AOC3: variants seen among roughly 807,000 people sequenced by gnomAD.
The protein encoded by AOC3 is amine oxidase [copper-containing] 3.
In AOC3, 47 loss-of-function variants were observed where a neutral mutation model predicts 55.4. That is an observed-to-expected ratio of 0.85 (90% CI 0.67 to 1.08). AOC3 has a LOEUF of 1.08. Among genes scored for constraint, AOC3 ranks in the 50% least tolerant of loss-of-function variants. AOC3 has a pLI of 0.00. For missense variants in AOC3, 853 were observed against 993.1 expected (o/e 0.86, Z 1.90); for synonymous variants, 386 against 410.7 (o/e 0.94, Z 0.73).
intron 1 of AOC3, chr17:42,853,328 A>C: frequency 9.8e-7 from 1 of 1,023,816 alleles, no homozygotes; most frequent in Non-Finnish European, 1.2e-6. Flanking sequence ...GTTTTGGAGG[A>C]TCTCTTTGCA....
chr17:42,852,502 G>T lies in AOC3; in HGVS notation c.1159G>T (p.Gly387Ter). ...AGCAATGACGACCCGCTATGTGGAT[G>T]GAGGCTTTGGCATGGGCAAGTACAC... is the stretch of plus-strand genomic sequence containing the variant. ...PAAMTTRYVD[G>*]GFGMGKYTTP... is the part of the protein sequence containing the mutation. The change falls in exon 1 of 4, where the codon GGA (glycine) becomes TGA (stop). Residue 387 changes from glycine to a stop codon, truncating the protein, a stop_gained. Coordinates refer to ENST00000308423, the MANE Select transcript of AOC3 (RefSeq NM_003734.4). LOFTEE classifies it high-confidence loss of function. 6.2e-7 allele frequency: 1 copy of T among 1,614,248 alleles called. No homozygotes were observed. The highest frequency in any genetic ancestry group is 8.5e-7 in the Non-Finnish European group (1 of 1,180,040).
rs1299136357 is a variant in AOC3, at chr17:42,852,940, G to A, written c.1597G>A (p.Ala533Thr). 1 of 1,601,288 alleles carries A rather than the reference G, an allele frequency of 6.2e-7. No homozygotes were observed. The highest frequency in any genetic ancestry group is 1.7e-5 in the Admixed American group (1 of 59,824). ...CCACTTCAAGGTGGATCTGGATGTA[G>A]CAGGTAAGACATTTTGGTGGGGAGA... ...SAHFKVDLDV[A>T]GLENWVWAED... The change falls in exon 1 of 4, where the codon GCA (alanine) becomes ACA (threonine). Residue 533 changes from alanine (A) to threonine (T), a missense_variant. Ala to Thr is a moderately conservative substitution (Grantham distance 58). Coordinates refer to ENST00000308423, the MANE Select transcript of AOC3 (RefSeq NM_003734.4).
chr17:42,853,440 AT>A, intron 1 of AOC3: 2 of 985,912 alleles, frequency 2.0e-6, no homozygotes, highest in Non-Finnish European at 2.4e-6. Context: ...TCTGGGCACA[AT>A]TCACCTAAGT....
At chr17:42,853,160 A>G (rs2055700035) in intron 1 of AOC3, 4 of 1,383,766 alleles carry the variant, frequency 2.9e-6, no homozygotes, top group Non-Finnish European at 3.8e-6. Flanking sequence ...GACCTCATCC[A>G]AAGATCTTGG....
chr17:42,856,189 A>T, intron 3 of AOC3, 86 bp from the exon 4 acceptor site: 1 of 1,516,448 alleles, frequency 6.6e-7, no homozygotes, highest in Middle Eastern at 1.9e-4. Flanking sequence ...AAGACTCATG[A>T]TCCTTGGGCT....
In AOC3 at chr17:42,857,116, C is replaced by T. The variant is rs995111325; in HGVS notation, c.*566C>T. ...GAGGGGATATCCCTATGTCCCAGCC[C>T]CTGGTACTCCCCCAGCCCTCAGTTT... On this transcript the variant is annotated 3_prime_UTR_variant, in exon 4 of 4. Transcript: ENST00000308423. 9 of 154,302 alleles carry T rather than the reference C, an allele frequency of 5.8e-5. No individual in the cohort carries two copies. Among genetic ancestry groups the T allele is most frequent in the African/African-American group, 1.9e-4 (8 of 41,432 alleles). 9.6% of individuals were successfully genotyped at this position (154,302 alleles called of 1,614,324 possible).
intron 1 of AOC3, chr17:42,853,418 T>C: frequency 2.0e-6 from 2 of 995,094 alleles, no homozygotes; most frequent in Non-Finnish European, 2.4e-6. Context: ...CCTCCCTGAT[T>C]TTCCTTCTTT....
chr17:42,855,293 C>T (rs34268610), intron 2 of AOC3, 151 bp from the exon 3 acceptor site: 1 of 1,058,316 alleles, frequency 9.4e-7, no homozygotes, highest in South Asian at 1.6e-5. Flanking sequence ...ACTTGACCCC[C>T]CTTAGGGTGA....
At position 42,852,313 on chromosome 17, in the gene AOC3, A is replaced by G. The variant is rs760524381; in HGVS notation, c.970A>G (p.Ser324Gly). ...LQFYPQGPRF[S>G]VQGSRVASSL... is the part of the protein sequence containing the mutation. ...GTTCTATCCCCAAGGCCCCCGCTTC[A>G]GTGTCCAGGGAAGTCGAGTGGCCTC... is the stretch of plus-strand genomic sequence containing the variant. The change falls in exon 1 of 4, where the codon AGT becomes GGT. Residue 324 changes from serine to glycine, a missense_variant. Transcript: ENST00000308423. The G allele has an allele frequency of 9.3e-6, 15 of 1,613,910 alleles. No homozygotes were observed. The African/African-American group carries it at 9.3e-5, about 10-fold the overall frequency.
At chr17:42,853,219 C>G in intron 1 of AOC3, 2 of 1,294,434 alleles carry the variant, frequency 1.5e-6, no homozygotes, top group South Asian at 1.9e-5. Flanking sequence ...AACAGTGTCC[C>G]CATTGCCCTC....
chr17:42,856,656 C>T lies in AOC3; in HGVS notation c.*106C>T. On this transcript the variant is annotated 3_prime_UTR_variant, in exon 4 of 4. Transcript: ENST00000308423. ...CAGCCTGGTTCCCTCTTTCCTGTGCCAGGACTCTCTTTCTTCCACTACCCT... is the reference window on the plus strand; with the variant it reads ...CAGCCTGGTTCCCTCTTTCCTGTGCTAGGACTCTCTTTCTTCCACTACCCT... 3 of 1,341,030 alleles carry T rather than the reference C, an allele frequency of 2.2e-6. No individual in the cohort carries two copies. In the South Asian group the frequency reaches 4.1e-5, roughly 19 times the overall value. The allele number at this position is 1,341,030 out of a possible 1,614,324, so 83.1% of individuals were successfully genotyped here. A position where few individuals can be genotyped will look rare whatever the true frequency, so the allele number is the denominator to read the frequency against.
rs774618655 is a variant in AOC3, at chr17:42,855,411, A to G, written c.1887-33A>G. 4 of 1,583,948 alleles carry G rather than the reference A, an allele frequency of 2.5e-6. No individual in the cohort carries two copies. The South Asian group carries it at 4.6e-5, about 18-fold the overall frequency. On this transcript the variant is annotated intron_variant, in intron 2 of 3. Transcript: ENST00000308423. ...ATAATCAGGCAGCAGGATGGGGTCA[A>G]TGGCCATGGAGGCCTGACCAGTGCC...
In AOC3 at chr17:42,851,388, C is replaced by A. The variant is rs1282535974; in HGVS notation, c.45C>A (p.Ile15=). Residue 15 remains isoleucine, a synonymous_variant, in exon 1 of 4, where the codon ATC becomes ATA. Coordinates refer to ENST00000308423, the MANE Select transcript of AOC3 (RefSeq NM_003734.4). ...TILVLLILAV[I]TIFALVCVLL... is the part of the protein sequence containing the mutation. ...TCGTGCTCCTCATTCTGGCCGTCAT[C>A]ACCATCTTTGCCTTGGTTTGTGTCC... 6 of 1,611,834 alleles carry A rather than the reference C, an allele frequency of 3.7e-6. No homozygotes were observed. Among genetic ancestry groups the A allele is most frequent in the Non-Finnish European group, 5.1e-6 (6 of 1,178,876 alleles).
chr17:42,851,896 A>G lies in AOC3; in HGVS notation c.553A>G (p.Asn185Asp), dbSNP rs370465. Residue 185 changes from asparagine (N) to aspartate (D), a missense_variant, in exon 1 of 4, where the codon AAC becomes GAC. Physicochemically the swap from Asn to Asp is conservative, Grantham distance 23 (BLOSUM62 1). Transcript: ENST00000308423. ...CCTGGACATAGACCAGATGATCTTC[A>G]ACAGAGAGCTGCCCCAGGCTTCTGG... ...EYLDIDQMIF[N>D]RELPQASGLL... 370 of 1,613,256 alleles carry G rather than the reference A, an allele frequency of 2.3e-4. No homozygotes were observed. Among genetic ancestry groups the G allele is most frequent in the Non-Finnish European group, 2.7e-4 (316 of 1,179,790 alleles).
intron 3 of AOC3, 148 bp from the exon 4 acceptor site, chr17:42,856,127 A>C (rs913484393): frequency 1.4e-5 from 14 of 975,154 alleles, no homozygotes; most frequent in Non-Finnish European, 2.2e-5. Context: ...TGTTCCTAAT[A>C]TGAAATGGAC....
chr17:42,856,159 C>G, intron 3 of AOC3, 116 bp from the exon 4 acceptor site: 2 of 1,332,110 alleles, frequency 1.5e-6, no homozygotes, highest in Non-Finnish European at 2.1e-6. Context: ...TGACTCCTAC[C>G]CAGCAGGAAA....
Position 42,856,501 on chromosome 17 carries a change from G to A in AOC3, c.2243G>A (p.Cys748Tyr), listed in dbSNP as rs761050675. The change falls in exon 4 of 4, where the codon TGT (cysteine) becomes TAT (tyrosine). Residue 748 changes from cysteine (C) to tyrosine (Y), a missense_variant. Transcript: ENST00000308423. The stretch of plus-strand genomic sequence containing the variant: ...GCTTGCCTGCCCCAGGCTGCTGCCT[G>A]TGCCCCCGACCTCCCTGCCTTCTCC... Reference protein sequence around the residue: ...PLACLPQAAACAPDLPAFSHG... With the variant: ...PLACLPQAAAYAPDLPAFSHG... 5 of 1,610,318 alleles carry A rather than the reference G, an allele frequency of 3.1e-6. No homozygotes were observed. The highest frequency in any genetic ancestry group is 4.2e-6 in the Non-Finnish European group (5 of 1,177,714).
chr17:42,853,464 A>G, intron 1 of AOC3: 1 of 918,332 alleles, frequency 1.1e-6, no homozygotes, highest in Non-Finnish European at 1.3e-6. Flanking sequence ...GAGGGGTCAC[A>G]TGGATCCCGT....
rs1400984954 is a variant in AOC3 at position 42,852,933 on chromosome 17, G to A, written c.1590G>A (p.Leu530=). The change falls in exon 1 of 4, where the codon CTG becomes CTA. Residue 530 remains leucine (L), a synonymous_variant. Transcript: ENST00000308423. ...HTHSAHFKVD[L]DVAGLENWVW... ...ACAGCGCCCACTTCAAGGTGGATCTGGATGTAGCAGGTAAGACATTTTGGT... is the reference window on the plus strand; with the variant it reads ...ACAGCGCCCACTTCAAGGTGGATCTAGATGTAGCAGGTAAGACATTTTGGT... 6.2e-7 allele frequency: 1 copy of A among 1,602,080 alleles called. No homozygotes were observed. The highest frequency in any genetic ancestry group is 8.5e-7 in the Non-Finnish European group (1 of 1,169,888).
Sources: gnomAD v4.1 joint callset for allele counts on GRCh38, gnomAD v4.1.1 for gene constraint, MANE v1.5 for transcripts, NCBI Gene and HGNC (gene_info 2026-07-23, HGNC 2026-07-21) for gene names.